The following COL11A1 variants were observed in gnomAD, a reference collection of about 807,000 sequenced individuals.
COL11A1 encodes collagen type XI alpha 1 chain, also known as collagen alpha-1(XI) chain.
Under a neutral mutation model 265.2 loss-of-function variants are expected in COL11A1, and 74 were observed. That is an observed-to-expected ratio of 0.28 (90% CI 0.23 to 0.34). The LOEUF (loss-of-function observed/expected upper bound fraction) is 0.34. Ranked by LOEUF, COL11A1 falls within the 10% of genes least tolerant of loss-of-function variation. The probability of loss-of-function intolerance (pLI) is 1.00; values close to 1 mark genes in which losing one functional copy is unlikely to be tolerated. For synonymous variants in COL11A1, 816 were observed against 727.6 expected (o/e 1.12, Z -1.96); for missense variants, 2,165 against 2,263.6 (o/e 0.96, Z 0.88).
chr1:102,895,493 A>T (rs1652304447), intron 57 of COL11A1, among the ~76,000 whole-genome samples: 1 of 152,168 alleles, frequency 6.6e-6, no homozygotes, highest in African/African-American at 2.4e-5. Flanking sequence ...CCCAATAGGT[A>T]CTTGTGGAAC....
intron 44 of COL11A1, among the ~76,000 whole-genome samples, chr1:102,935,667 TAC>T (rs1658060702): frequency 1.3e-5 from 2 of 152,220 alleles, no homozygotes; most frequent in African/African-American, 4.8e-5. Context: ...TTATGAGTCT[TAC>T]ATGCATAGAT....
At chr1:102,932,908 T>G (rs936019668) in intron 46 of COL11A1, among the ~76,000 whole-genome samples, 2 of 151,386 alleles carry the variant, frequency 1.3e-5, no homozygotes, top group Non-Finnish European at 3.0e-5. Flanking sequence ...TCTGCATTCT[T>G]CACGTAGTTC....
intron 15 of COL11A1, among the ~76,000 whole-genome samples, chr1:103,007,404 T>G (rs1428043875): frequency 6.6e-6 from 1 of 152,184 alleles, no homozygotes; most frequent in Non-Finnish European, 1.5e-5. Flanking sequence ...CTATAAATAT[T>G]ACATAGGCCT....
intron 3 of COL11A1, among the ~76,000 whole-genome samples, chr1:103,078,142 A>G (rs1207712181): frequency 2.6e-5 from 4 of 151,926 alleles, no homozygotes; most frequent in Non-Finnish European, 5.9e-5. Context: ...ACCTCCTACA[A>G]TGTGTTATAC....
At position 102,899,009 on chromosome 1, in the gene COL11A1, T is replaced by C; in HGVS notation, c.4087-15A>G. 6.7e-7 allele frequency: 1 copy of C among 1,485,514 alleles called. No individual in the cohort carries two copies. The highest frequency in any genetic ancestry group is 9.1e-7 in the Non-Finnish European group (1 of 1,094,738). The allele number at this position is 1,485,514 out of a possible 1,614,324, so 92.0% of individuals were successfully genotyped here. A position where few individuals can be genotyped will look rare whatever the true frequency, so the allele number is the denominator to read the frequency against. On this transcript the variant is annotated splice_polypyrimidine_tract_variant and intron_variant, in intron 54 of 66. Coordinates refer to ENST00000370096, the MANE Select transcript of COL11A1 (RefSeq NM_001854.4). ...CCAGGAGGACCCTATAGACATAAGA[T>C]TTATTGTAAAATATGTATCACATAT... is the stretch of plus-strand genomic sequence containing the variant.
chr1:102,967,574 T>G (rs1383035860), intron 37 of COL11A1, among the ~76,000 whole-genome samples: 1 of 152,176 alleles, frequency 6.6e-6, no homozygotes, highest in African/African-American at 2.4e-5. Flanking sequence ...GATGACAAAG[T>G]TCTAGCCAAT....
chr1:103,002,984 C>T (rs1284407273), intron 21 of COL11A1, among the ~76,000 whole-genome samples, 193 bp from the exon 22 acceptor site: 1 of 152,120 alleles, frequency 6.6e-6, no homozygotes, highest in African/African-American at 2.4e-5. Context: ...AATCTAGCAA[C>T]ATTTTCCTCT....
chr1:102,887,259 G>A (rs1651110354), intron 62 of COL11A1, among the ~76,000 whole-genome samples: 1 of 152,016 alleles, frequency 6.6e-6, no homozygotes, highest in Non-Finnish European at 1.5e-5. Context: ...AGATATTGAG[G>A]TAGGTGAATA....
At chr1:103,048,034 T>C (rs1669451963) in intron 4 of COL11A1, among the ~76,000 whole-genome samples, 1 of 152,240 alleles carries the variant, frequency 6.6e-6, no homozygotes, top group Admixed American at 6.5e-5. Context: ...TTTGCATCAA[T>C]GTTCATCAAG....
At chr1:102,923,239 T>C in intron 47 of COL11A1, 97 bp downstream of exon 47, 1 of 994,736 alleles carries the variant, frequency 1.0e-6, no homozygotes, top group East Asian at 2.6e-5. Flanking sequence ...ACCTCAATAA[T>C]ATATACATAG....
chr1:102,991,502 C>G (rs1664128453), intron 28 of COL11A1, among the ~76,000 whole-genome samples: 1 of 152,078 alleles, frequency 6.6e-6, no homozygotes, highest in Admixed American at 6.6e-5. Context: ...TAAAATTAAC[C>G]TCTCCATCTT....
Position 103,008,524 on chromosome 1 carries a change from G to A in COL11A1, c.1630-8C>T. The A allele has an allele frequency of 6.2e-7, 1 of 1,612,876 alleles. No homozygotes were observed. ...AGATGAACCAGGCCCCCCCTATAGA[G>A]AAAAAGTGAAGATATTTCACTTAAT... On this transcript the variant is annotated splice_region_variant and splice_polypyrimidine_tract_variant and intron_variant, in intron 14 of 66. Coordinates refer to ENST00000370096, the MANE Select transcript of COL11A1 (RefSeq NM_001854.4).
rs752478007 is a variant in COL11A1 at position 102,934,471 on chromosome 1, G to A, written c.3578C>T (p.Pro1193Leu). ...GDEGARGFPG[P>L]PGPIGLQGLP... ...TACCTGAAGACCTATTGGACCAGGA[G>A]GTCCAGGGAAGCCTCTGGCACCCTC... Residue 1193 changes from proline to leucine, a missense_variant, in exon 46 of 67, where the codon CCT becomes CTT. Transcript: ENST00000370096. 1.9e-6 allele frequency: 3 copies of A among 1,613,564 alleles called. No individual in the cohort carries two copies. The South Asian group carries it at 3.3e-5, about 18-fold the overall frequency.
At chr1:102,947,490 A>T (rs187809655) in intron 41 of COL11A1, among the ~76,000 whole-genome samples, 1 of 152,146 alleles carries the variant, frequency 6.6e-6, no homozygotes. Context: ...GATAATCACT[A>T]TCCTAAAGTC....
At chr1:102,927,310 A>G (rs1043205313) in intron 46 of COL11A1, among the ~76,000 whole-genome samples, 3 of 152,180 alleles carry the variant, frequency 2.0e-5, no homozygotes, top group African/African-American at 7.2e-5. Flanking sequence ...ACAAAATGCT[A>G]TAATCTTTCC....
intron 46 of COL11A1, among the ~76,000 whole-genome samples, chr1:102,925,332 A>T (rs1273496249): frequency 6.6e-6 from 1 of 152,022 alleles, no homozygotes; most frequent in Non-Finnish European, 1.5e-5. Context: ...TCATTTTTTC[A>T]ATGCTGGTAA....
intron 41 of COL11A1, among the ~76,000 whole-genome samples, chr1:102,948,365 A>G (rs1659531624): frequency 6.6e-6 from 1 of 152,070 alleles, no homozygotes; most frequent in Non-Finnish European, 1.5e-5. Flanking sequence ...AGTTAAGAGA[A>G]CCCTGAGCTT....
At chr1:103,061,126 C>T (rs1054168440) in intron 4 of COL11A1, among the ~76,000 whole-genome samples, 3 of 152,070 alleles carry the variant, frequency 2.0e-5, no homozygotes, top group Non-Finnish European at 4.4e-5. Context: ...TCACACAGTG[C>T]AAACTTTGGA....
At chr1:103,029,991 A>T (rs897303089) in intron 5 of COL11A1, among the ~76,000 whole-genome samples, 1 of 152,068 alleles carries the variant, frequency 6.6e-6, no homozygotes, top group Non-Finnish European at 1.5e-5. Flanking sequence ...AACCTTGAAA[A>T]TATACAGTAA....
Sources: gnomAD v4.1 joint callset for allele counts (sites outside exome capture counted in the v4.1 genomes callset) on GRCh38, gnomAD v4.1.1 for gene constraint, MANE v1.5 for transcripts, NCBI Gene and HGNC (gene_info 2026-07-23, HGNC 2026-07-21) for gene names.